FBXL2: variants seen among roughly 807,000 people sequenced by gnomAD.
FBXL2 encodes the protein F-box/LRR-repeat protein 2.
A neutral mutation model predicts 69.2 loss-of-function variants in FBXL2; 38 were observed. The observed-to-expected ratio is 0.55, with a 90% CI of 0.42 to 0.72. The LOEUF (loss-of-function observed/expected upper bound fraction) is 0.72. Ranked by LOEUF, FBXL2 falls within the 30% of genes least tolerant of loss-of-function variation. FBXL2 has a pLI of 0.00. For missense variants in FBXL2, 354 were observed against 520.3 expected, an observed-to-expected ratio of 0.68 and a Z score of 3.11; for synonymous variants, 192 against 201.3, an observed-to-expected ratio of 0.95 and a Z score of 0.39.
At chr3:33,378,194 A>C (rs747227984) in intron 12 of FBXL2, 47 bp downstream of exon 12, 1 of 1,578,176 alleles carries the variant, frequency 6.3e-7, no homozygotes, top group Non-Finnish European at 8.7e-7. Context: ...CTCCTTAGTC[A>C]TTGCTGGCCA....
At chr3:33,340,577 A>T (rs34106636) in intron 2 of FBXL2, among the ~76,000 whole-genome samples, 13 of 61,960 alleles carry the variant, frequency 2.1e-4, no homozygotes, top group African/African-American at 5.7e-4. Flanking sequence ...TATTTTGATT[A>T]AAAAAAAAAA....
chr3:33,396,350 C>T, intron 12 of FBXL2: 2 of 1,124,072 alleles, frequency 1.8e-6, no homozygotes, highest in South Asian at 3.4e-5. Flanking sequence ...AATATGACAA[C>T]TACAGGAATC....
intron 1 of FBXL2, among the ~76,000 whole-genome samples, chr3:33,291,269 A>C (rs780654557): frequency 6.6e-6 from 1 of 152,138 alleles, no homozygotes; most frequent in African/African-American, 2.4e-5. Flanking sequence ...TTCTTAAGCA[A>C]ATCTGCTAAC....
chr3:33,289,798 G>A (rs2035040605), intron 1 of FBXL2: 1 of 985,402 alleles, frequency 1.0e-6, no homozygotes, highest in Non-Finnish European at 1.2e-6. Context: ...CTGCTGAGGT[G>A]GGTGGATTCT....
At chr3:33,401,911 C>A (rs2044243309) in intron 12 of FBXL2, among the ~76,000 whole-genome samples, 1 of 152,180 alleles carries the variant, frequency 6.6e-6, no homozygotes, top group Admixed American at 6.5e-5. Flanking sequence ...CCTCTGGTCA[C>A]TCCTCTAATT....
At chr3:33,421,100 C>G in the FBXL2 span, among the ~76,000 whole-genome samples, 2 of 152,320 alleles carry the variant, frequency 1.3e-5, no homozygotes, top group South Asian at 4.1e-4. Flanking sequence ...ACAGGCTCAG[C>G]CCCCAGCTGT....
In FBXL2 at chr3:33,334,059, C is replaced by G. The variant is rs1261709753; in HGVS notation, c.66-24908C>G. ...AATGAGCAGACACTAACCTTAACTT[C>G]CGGACAGAGGGAAGGGCTTGTACTC... On this transcript the variant is annotated intron_variant, in intron 2 of 14. Transcript: ENST00000484457. Among the ~76,000 whole-genome samples the G allele has an allele frequency of 2.0e-5, 3 of 152,064 alleles. No homozygotes were observed. In the East Asian group the frequency reaches 5.8e-4, roughly 29 times the overall value.
At chr3:33,291,194 A>G (rs548237437) in intron 1 of FBXL2, among the ~76,000 whole-genome samples, 2 of 152,288 alleles carry the variant, frequency 1.3e-5, no homozygotes, top group African/African-American at 4.8e-5. Flanking sequence ...CTCCCAAAGT[A>G]TTGGAATTAC....
intron 2 of FBXL2, among the ~76,000 whole-genome samples, chr3:33,328,962 A>T (rs577896338): frequency 6.6e-6 from 1 of 152,274 alleles, no homozygotes; most frequent in South Asian, 2.1e-4. Context: ...ATGGGACTAA[A>T]TGTTTGCAAA....
At chr3:33,394,969 G>A (rs1294043933) in intron 12 of FBXL2, among the ~76,000 whole-genome samples, 1 of 151,970 alleles carries the variant, frequency 6.6e-6, no homozygotes, top group Non-Finnish European at 1.5e-5. Context: ...TTTACTACCT[G>A]ACCTTTTACA....
At chr3:33,373,029 C>A in intron 5 of FBXL2, 63 bp from the exon 6 acceptor site, 1 of 1,390,342 alleles carries the variant, frequency 7.2e-7, no homozygotes, top group South Asian at 1.2e-5. Flanking sequence ...TGAATGGTTT[C>A]ATATGCCCTC....
At chr3:33,348,739 A>G (rs753148621) in intron 2 of FBXL2, among the ~76,000 whole-genome samples, 1 of 152,154 alleles carries the variant, frequency 6.6e-6, no homozygotes, top group Non-Finnish European at 1.5e-5. Flanking sequence ...ACCCATGAAC[A>G]TGGAATATCA....
chr3:33,319,350 A>G (rs938885099), intron 2 of FBXL2, among the ~76,000 whole-genome samples: 2 of 152,170 alleles, frequency 1.3e-5, no homozygotes, highest in African/African-American at 4.8e-5. Flanking sequence ...CCTATTAAAT[A>G]AATTAAAAAA....
chr3:33,337,286 C>A (rs1179353767), intron 2 of FBXL2, among the ~76,000 whole-genome samples: 1 of 151,902 alleles, frequency 6.6e-6, no homozygotes, highest in Non-Finnish European at 1.5e-5. Context: ...GTGCTCATAT[C>A]CAAAAGATAA....
chr3:33,296,054 A>G (rs2035719585), intron 1 of FBXL2, among the ~76,000 whole-genome samples: 1 of 151,774 alleles, frequency 6.6e-6, no homozygotes, highest in Admixed American at 6.6e-5. Context: ...TTGAAGTACA[A>G]AGGTCTTTTG....
chr3:33,375,667 G>C (rs372789216), intron 10 of FBXL2, among the ~76,000 whole-genome samples: 1 of 152,240 alleles, frequency 6.6e-6, no homozygotes, highest in East Asian at 1.9e-4. Flanking sequence ...ATGTCACACA[G>C]TTTCCCACCT....
intron 2 of FBXL2, among the ~76,000 whole-genome samples, chr3:33,357,600 G>T (rs1276710898): frequency 1.3e-5 from 2 of 149,040 alleles, no homozygotes; most frequent in African/African-American, 2.5e-5. Context: ...CGCTATCTCG[G>T]CTCACTGCAG....
chr3:33,416,708 TC>T, the FBXL2 span: 1 of 1,358,796 alleles, frequency 7.4e-7, no homozygotes, highest in Non-Finnish European at 1.0e-6. Context: ...AAACAAAAAC[TC>T]ATTCAATCAC....
the FBXL2 span, chr3:33,412,919 T>G: frequency 1.3e-6 from 1 of 799,282 alleles, no homozygotes; most frequent in South Asian, 1.5e-5. Flanking sequence ...CCTGTAGCAG[T>G]AGAACACATA....
Sources: allele counts gnomAD v4.1 joint callset (sites outside exome capture counted in the v4.1 genomes callset), GRCh38; gene constraint gnomAD v4.1.1; transcripts MANE v1.5; gene names NCBI Gene and HGNC (gene_info 2026-07-23, HGNC 2026-07-21).